AGAP1: variants seen among roughly 807,000 people sequenced by gnomAD.
AGAP1 encodes the protein arf-GAP with GTPase, ANK repeat and PH domain-containing protein 1.
AGAP1 carries 29 observed loss-of-function variants against 105.3 expected under a neutral mutation model. The ratio of observed to expected loss-of-function variants is 0.28; its 90% confidence interval spans 0.21 to 0.38. AGAP1 has a LOEUF of 0.38. Ranked by LOEUF, AGAP1 falls within the 10% of genes least tolerant of loss-of-function variation. The probability of loss-of-function intolerance (pLI) is 1.00; values close to 1 mark genes in which losing one functional copy is unlikely to be tolerated. For synonymous variants in AGAP1, 509 were observed against 485.9 expected (o/e 1.05, Z -0.63); for missense variants, 998 against 1,165.1 (o/e 0.86, Z 2.09).
rs60432841 is a variant in AGAP1, at chr2:235,936,946, T to TTTA, written c.1483+6023_1483+6024insTTA. On this transcript the variant is annotated intron_variant, in intron 12 of 17. Transcript: ENST00000304032. The surrounding 1 kb of genome is among the most constrained non-coding windows in gnomAD (Gnocchi z 4.7). ...TCATTCCCCTCTGCTTTTTTTTTTT[T>TTTA]AAGGAGAAACGCATGCTTAGTACTA... Among the ~76,000 whole-genome samples, 1 of 152,082 alleles carries TTTA rather than the reference T, an allele frequency of 6.6e-6. No homozygotes were observed. The highest frequency in any genetic ancestry group is 2.1e-4 in the South Asian group (1 of 4,820).
intron 9 of AGAP1, chr2:235,852,856 G>A (rs1433989951): frequency 9.7e-6 from 14 of 1,447,974 alleles, no homozygotes; most frequent in Non-Finnish European, 1.3e-5. Context: ...TGAATTAGCG[G>A]TGGGAGTTAA....
At chr2:236,018,832 C>G (rs1451476436) in intron 13 of AGAP1, among the ~76,000 whole-genome samples, 22 of 152,242 alleles carry the variant, frequency 1.4e-4, no homozygotes, top group Admixed American at 1.2e-3. Flanking sequence ...CCTGGGAAAC[C>G]TCTGCTTTGG....
intron 6 of AGAP1, among the ~76,000 whole-genome samples, chr2:235,796,046 A>G (rs1357451400): frequency 2.6e-5 from 4 of 152,242 alleles, no homozygotes. Context: ...GTCCTATTTA[A>G]TTCTGACATC....
At chr2:235,554,255 A>C (rs763444071) in intron 1 of AGAP1, among the ~76,000 whole-genome samples, 1 of 152,242 alleles carries the variant, frequency 6.6e-6, no homozygotes, top group Non-Finnish European at 1.5e-5. Context: ...ACGCTGAAGC[A>C]GAGAGTGGCC....
intron 9 of AGAP1, among the ~76,000 whole-genome samples, chr2:235,827,410 A>G (rs1337629010): frequency 6.6e-6 from 1 of 152,150 alleles, no homozygotes; most frequent in Non-Finnish European, 1.5e-5. Flanking sequence ...GCGTAGCTCC[A>G]AGGTGATGAA....
At chr2:235,670,387 C>T (rs1169213003) in intron 1 of AGAP1, 2 of 558,654 alleles carry the variant, frequency 3.6e-6, no homozygotes, top group Non-Finnish European at 6.5e-6. Context: ...GCACCTTCCG[C>T]ACCCGCAGCA....
chr2:235,813,275 A>G (rs776382769), intron 9 of AGAP1, among the ~76,000 whole-genome samples: 23 of 152,238 alleles, frequency 1.5e-4, no homozygotes, highest in Non-Finnish European at 2.6e-4. Context: ...CACAAAATCC[A>G]TCATTTATAT....
rs1190597822 is a variant in AGAP1 at position 235,801,825 on chromosome 2, T to C, written c.957+2303T>C. Among the ~76,000 whole-genome samples, 1 of 152,156 alleles carries C rather than the reference T, an allele frequency of 6.6e-6. No individual in the cohort carries two copies. Among genetic ancestry groups the C allele is most frequent in the African/African-American group, 2.4e-5 (1 of 41,442 alleles). ...AGAGCACTCATTCTCAGACGCCTTCTGAGGGCCACATTTTCTGCTTGTTGA... is the reference window on the plus strand; with the variant it reads ...AGAGCACTCATTCTCAGACGCCTTCCGAGGGCCACATTTTCTGCTTGTTGA... On this transcript the variant is annotated intron_variant, in intron 8 of 17. Coordinates refer to ENST00000304032, the MANE Select transcript of AGAP1 (RefSeq NM_001037131.3). This position sits in a 1 kb window ranked among gnomAD's most constrained non-coding sequence, Gnocchi z 6.0.
At chr2:235,703,198 G>T (rs562184571) in intron 1 of AGAP1, among the ~76,000 whole-genome samples, 1 of 152,158 alleles carries the variant, frequency 6.6e-6, no homozygotes, top group South Asian at 2.1e-4. Context: ...AAAGTGCTGG[G>T]ATTACAGGCG....
At chr2:235,542,020 G>A (rs984786367) in intron 1 of AGAP1, among the ~76,000 whole-genome samples, 21 of 152,094 alleles carry the variant, frequency 1.4e-4, no homozygotes, top group Admixed American at 1.3e-3. Context: ...ATATTATCTT[G>A]ACATATTAAA....
chr2:236,026,947 G>A (rs2057074991), intron 13 of AGAP1, among the ~76,000 whole-genome samples: 1 of 152,138 alleles, frequency 6.6e-6, no homozygotes, highest in Non-Finnish European at 1.5e-5. Flanking sequence ...GGAAATGGAG[G>A]AAGAGTACTG....
chr2:235,850,884 T>C (rs974899634), intron 9 of AGAP1, among the ~76,000 whole-genome samples: 1 of 152,208 alleles, frequency 6.6e-6, no homozygotes, highest in Non-Finnish European at 1.5e-5. Flanking sequence ...CAAGTCCATC[T>C]GGGGGATTGT....
chr2:235,514,311 G>T (rs1362400699), intron 1 of AGAP1, among the ~76,000 whole-genome samples: 2 of 152,238 alleles, frequency 1.3e-5, no homozygotes, highest in African/African-American at 4.8e-5. Flanking sequence ...GCTCACTAGG[G>T]CTTTTAGAAT....
chr2:235,911,855 T>C (rs1306408195), intron 11 of AGAP1, among the ~76,000 whole-genome samples: 2 of 152,226 alleles, frequency 1.3e-5, no homozygotes, highest in African/African-American at 4.8e-5. Flanking sequence ...TGGCTGACTT[T>C]CCCTCTTCTC....
At position 236,114,093 on chromosome 2, in the gene AGAP1, G is replaced by T. The variant is rs1316492291; in HGVS notation, c.2115-6099G>T. Among the ~76,000 whole-genome samples, 2 of 152,014 alleles carry T rather than the reference G, an allele frequency of 1.3e-5. No homozygotes were observed. The highest frequency in any genetic ancestry group is 6.6e-5 in the Admixed American group (1 of 15,260). ...ACTGGGCCCCCTCCTTTCTGCTGACGGCCGGCCGCGCCAATAATTCATTTT... is the reference window on the plus strand; with the variant it reads ...ACTGGGCCCCCTCCTTTCTGCTGACTGCCGGCCGCGCCAATAATTCATTTT... On this transcript the variant is annotated intron_variant, in intron 16 of 17. Coordinates refer to ENST00000304032, the MANE Select transcript of AGAP1 (RefSeq NM_001037131.3). This position sits in a 1 kb window ranked among gnomAD's most constrained non-coding sequence, Gnocchi z 5.0.
Position 235,877,521 on chromosome 2 carries a change from TC to T in AGAP1, c.1051-5820del. Among the ~76,000 whole-genome samples the T allele has an allele frequency of 6.6e-6, 1 of 152,064 alleles. No homozygotes were observed. Among genetic ancestry groups the T allele is most frequent in the Non-Finnish European group, 1.5e-5 (1 of 68,012 alleles). On this transcript the variant is annotated intron_variant, in intron 9 of 17. Transcript: ENST00000304032. This position sits in a 1 kb window ranked among gnomAD's most constrained non-coding sequence, Gnocchi z 4.3. Reference sequence around the variant, plus strand: ...GTTTCGTGTACAGCATGCGGTGCCTTCCCCGGGGGTTAACTTGTTCTCAGAG... The same window carrying T: ...GTTTCGTGTACAGCATGCGGTGCCTTCCCGGGGGTTAACTTGTTCTCAGAG...
At chr2:236,022,835 G>A (rs2056928751) in intron 13 of AGAP1, among the ~76,000 whole-genome samples, 1 of 152,164 alleles carries the variant, frequency 6.6e-6, no homozygotes, top group African/African-American at 2.4e-5. Context: ...ACCGCACCCG[G>A]TCAGCAGGCT....
chr2:235,528,794 C>G (rs1942943744), intron 1 of AGAP1, among the ~76,000 whole-genome samples: 1 of 152,154 alleles, frequency 6.6e-6, no homozygotes, highest in South Asian at 2.1e-4. Flanking sequence ...TCTCCTGCCT[C>G]AGCCTCCCTA....
In AGAP1 at chr2:235,659,015, C is replaced by T. The variant is rs180789785; in HGVS notation, c.164-50164C>T. On this transcript the variant is annotated intron_variant, in intron 1 of 17. Coordinates refer to ENST00000304032, the MANE Select transcript of AGAP1 (RefSeq NM_001037131.3). This position sits in a 1 kb window ranked among gnomAD's most constrained non-coding sequence, Gnocchi z 5.0. ...TGAAGCAGCCCAGCAGCATGTACAG[C>T]ACTTGCTTTCCTTTGAGAGGCCCTC... 8.3e-4 allele frequency among the ~76,000 whole-genome samples: 126 copies of T among 152,344 alleles called. No individual in the cohort carries two copies. The highest frequency in any genetic ancestry group is 3.9e-3 in the South Asian group (19 of 4,832).
Sources: allele counts gnomAD v4.1 joint callset (sites outside exome capture counted in the v4.1 genomes callset), GRCh38; gene constraint gnomAD v4.1.1; non-coding constraint Gnocchi (gnomAD v3.1); transcripts MANE v1.5; gene names NCBI Gene and HGNC (gene_info 2026-07-23, HGNC 2026-07-21).